Variants in RNF212 observed in about 807,000 individuals in gnomAD.
RNF212 encodes ring finger protein 212, also known as probable E3 SUMO-protein ligase RNF212.
In RNF212, 33 loss-of-function variants were observed where a neutral mutation model predicts 34.7. That is an observed-to-expected ratio of 0.95 (90% confidence interval 0.72 to 1.27). The LOEUF (loss-of-function observed/expected upper bound fraction) is 1.27. RNF212 is among the 50% of genes most tolerant of loss of function. The probability of loss-of-function intolerance (pLI) is 0.00; values close to 1 mark genes in which losing one functional copy is unlikely to be tolerated. For missense variants in RNF212, 377 were observed against 362.2 expected (o/e 1.04, Z -0.33); for synonymous variants, 140 against 136.1 (o/e 1.03, Z -0.20).
intron 8 of RNF212, among the ~76,000 whole-genome samples, chr4:1,079,196 A>G (rs1719905023): frequency 6.6e-6 from 1 of 151,158 alleles, no homozygotes; most frequent in African/African-American, 2.4e-5. Flanking sequence ...CAAGACCAAC[A>G]TGGGACCAAC....
At chr4:1,068,593 T>C (rs1166634420), downstream of RNF212, among the ~76,000 whole-genome samples, 5 of 152,206 alleles carry the variant, frequency 3.3e-5, no homozygotes, top group African/African-American at 1.2e-4. Flanking sequence ...TTTTGTAAGG[T>C]AATGAGAAGA....
intron 7 of RNF212, 84 bp downstream of exon 7, chr4:1,081,335 G>A: frequency 8.6e-7 from 1 of 1,169,356 alleles, no homozygotes. Flanking sequence ...GGGGCTTGGA[G>A]AGGGGGTGGG....
intron 2 of RNF212, among the ~76,000 whole-genome samples, chr4:1,099,276 T>A (rs1008966671): frequency 4.6e-5 from 7 of 152,162 alleles, no homozygotes; most frequent in African/African-American, 1.2e-4. Flanking sequence ...GACATTTTTT[T>A]AAAAACAAAA....
intron 3 of RNF212, among the ~76,000 whole-genome samples, chr4:1,091,045 G>A (rs1237531671): frequency 6.6e-6 from 1 of 152,244 alleles, no homozygotes; most frequent in Non-Finnish European, 1.5e-5. Flanking sequence ...GGGCATGATA[G>A]GAAAGTCTCC....
At chr4:1,095,569 C>T (rs1205757823) in intron 3 of RNF212, among the ~76,000 whole-genome samples, 2 of 93,542 alleles carry the variant, frequency 2.1e-5, no homozygotes, top group Non-Finnish European at 4.0e-5. Flanking sequence ...ACCAAGCACA[C>T]CTCCCACAGC....
intron 8 of RNF212, among the ~76,000 whole-genome samples, chr4:1,077,421 C>T (rs1719503179): frequency 6.6e-6 from 1 of 152,036 alleles, no homozygotes; most frequent in African/African-American, 2.4e-5. Flanking sequence ...TTTTTAGAGA[C>T]AGGGTCTCAC....
intron 4 of RNF212, 119 bp from the exon 5 acceptor site, chr4:1,086,073 C>T (rs908492543): frequency 2.4e-5 from 18 of 765,890 alleles, no homozygotes; most frequent in African/African-American, 1.2e-4. Flanking sequence ...GTTGCCCTCA[C>T]GCTGCTCAGG....
chr4:1,091,637 C>T (rs902509645), intron 3 of RNF212, among the ~76,000 whole-genome samples: 1 of 152,216 alleles, frequency 6.6e-6, no homozygotes, highest in Non-Finnish European at 1.5e-5. Flanking sequence ...CTCACTGGCC[C>T]GGTGCAAACA....
chr4:1,106,849 G>A (rs557966617), intron 2 of RNF212, among the ~76,000 whole-genome samples: 1 of 152,290 alleles, frequency 6.6e-6, no homozygotes, highest in South Asian at 2.1e-4. Context: ...TTTTGCCCTT[G>A]CTTTTTCATT....
At chr4:1,076,837 G>A (rs1474871827) in intron 8 of RNF212, among the ~76,000 whole-genome samples, 2 of 152,226 alleles carry the variant, frequency 1.3e-5, no homozygotes, top group African/African-American at 4.8e-5. Context: ...TCATGGTCAT[G>A]CCTATTAGCT....
At position 1,081,469 on chromosome 4, in the gene RNF212, T is replaced by G; in HGVS notation, c.416-2A>C. 1.2e-6 allele frequency: 2 copies of G among 1,613,916 alleles called. No homozygotes were observed. The highest frequency in any genetic ancestry group is 1.7e-6 in the Non-Finnish European group (2 of 1,179,890). ...GCAGCAGGCATCCGTGTGGTTTTGC[T>G]GGAAGAGTGATGACGAAAATGCCAG... On this transcript the variant is annotated splice_acceptor_variant, in intron 6 of 9. Coordinates refer to ENST00000433731, the MANE Select transcript of RNF212 (RefSeq NM_001131034.4). LOFTEE classifies it high-confidence loss of function.
At chr4:1,113,685 T>A, upstream of RNF212, 1 of 464,604 alleles carries the variant, frequency 2.2e-6, no homozygotes, top group Non-Finnish European at 3.8e-6. Context: ...CCAGGTCGTT[T>A]GGGCTGGAGT....
chr4:1,083,417 C>G (rs950067735), intron 5 of RNF212, among the ~76,000 whole-genome samples: 2 of 151,988 alleles, frequency 1.3e-5, no homozygotes, highest in Non-Finnish European at 2.9e-5. Flanking sequence ...CTGAGGTGGG[C>G]GGATCACCTG....
At chr4:1,111,074 GT>G (rs2153068230) in intron 1 of RNF212, among the ~76,000 whole-genome samples, 1 of 152,246 alleles carries the variant, frequency 6.6e-6, no homozygotes, top group East Asian at 1.9e-4. Context: ...TCCTAACAAT[GT>G]TATCTTCGGG....
At chr4:1,083,028 G>T (rs570662070) in intron 5 of RNF212, among the ~76,000 whole-genome samples, 1 of 152,214 alleles carries the variant, frequency 6.6e-6, no homozygotes, top group Admixed American at 6.5e-5. Context: ...GGGGCGCAGC[G>T]GTCTGGGGCG....
rs560833535 is a variant in RNF212, at chr4:1,076,148, C to T, written c.511-2486G>A. Among the ~76,000 whole-genome samples the T allele has an allele frequency of 3.3e-5, 5 of 152,324 alleles. No homozygotes were observed. In the South Asian group the frequency reaches 6.2e-4, roughly 19 times the overall value. ...AAGCCAGACACCTTAGTCAACACTT[C>T]CATCTGCATGTGAAGGCAGACTCTC... is the stretch of plus-strand genomic sequence containing the variant. On this transcript the variant is annotated intron_variant, in intron 8 of 9. Coordinates refer to ENST00000433731, the MANE Select transcript of RNF212 (RefSeq NM_001131034.4).
intron 2 of RNF212, among the ~76,000 whole-genome samples, chr4:1,102,582 A>C (rs1465834503): frequency 2.1e-5 from 1 of 47,124 alleles, no homozygotes; most frequent in African/African-American, 3.7e-5. Context: ...ACAAAAAAAA[A>C]ACACAAAAAA....
Position 1,090,782 on chromosome 4 carries a change from C to T in RNF212, c.303G>A (p.Lys101=), listed in dbSNP as rs1388408269. 7 of 1,546,964 alleles carry T rather than the reference C, an allele frequency of 4.5e-6. No homozygotes were observed. Among genetic ancestry groups the T allele is most frequent in the Non-Finnish European group, 6.2e-6 (7 of 1,121,512 alleles). Residue 101 remains lysine (K), a splice_region_variant and synonymous_variant, in exon 4 of 10, where the codon AAG becomes AAA. Transcript: ENST00000433731. Reference sequence around the variant, plus strand: ...GTGGCAATGAATCAATTCCACTTACCTTTTCTCTATAGAAGGCTAACAATC... The same window carrying T: ...GTGGCAATGAATCAATTCCACTTACTTTTTCTCTATAGAAGGCTAACAATC... ...RKRLLAFYRE[K]ISRLEESLRK...
At chr4:1,063,694 C>CA (rs61295899) in intron 3 of RNF212, among the ~76,000 whole-genome samples, 49 of 131,554 alleles carry the variant, frequency 3.7e-4, no homozygotes, top group Admixed American at 6.4e-4. Context: ...GACTCAGTCT[C>CA]AAAAAAAAAA....
Sources: gnomAD v4.1 joint callset for allele counts (sites outside exome capture counted in the v4.1 genomes callset) on GRCh38, gnomAD v4.1.1 for gene constraint, MANE v1.5 for transcripts, NCBI Gene and HGNC (gene_info 2026-07-23, HGNC 2026-07-21) for gene names.